Variants in CLCNKA observed in about 807,000 individuals in gnomAD.
CLCNKA encodes the protein chloride channel protein ClC-Ka.
Under a neutral mutation model 83.3 loss-of-function variants are expected in CLCNKA, and 66 were observed. The ratio of observed to expected loss-of-function variants is 0.79; its 90% confidence interval spans 0.65 to 0.97. The LOEUF is 0.97. CLCNKA is among the 50% of genes least tolerant of loss of function. The pLI, the probability that CLCNKA is intolerant of heterozygous loss-of-function variation, is 0.00. For missense variants in CLCNKA, 806 were observed against 888.7 expected (o/e 0.91, Z 1.18); for synonymous variants, 357 against 370.4 (o/e 0.96, Z 0.42).
chr1:16,025,156 C>T (rs1290286526), intron 4 of CLCNKA, among the ~76,000 whole-genome samples: 2 of 152,160 alleles, frequency 1.3e-5, no homozygotes, highest in Admixed American at 6.5e-5. Context: ...GAGGAGGTGC[C>T]GCTCCCTCAG....
At position 16,027,016 on chromosome 1, in the gene CLCNKA, C is replaced by T. The variant is rs10927888; in HGVS notation, c.655+241C>T. 16,044 of 649,994 alleles carry T rather than the reference C, an allele frequency of 0.025. 282 individuals are homozygous for T. The highest frequency in any genetic ancestry group is 0.034 in the Non-Finnish European group (12,984 of 379,032). The allele number at this position is 649,994 out of a possible 1,614,324, so 40.3% of individuals were successfully genotyped here. A position where few individuals can be genotyped will look rare whatever the true frequency, so the allele number is the denominator to read the frequency against. ...CATTACACAGACTTGGGTTTGAAAT[C>T]CACTGGCCCCTTGGCCTCTCTGAGC... On this transcript the variant is annotated intron_variant, in intron 7 of 19. Transcript: ENST00000331433.
chr1:16,025,860 T>C (rs2022324569), intron 4 of CLCNKA, among the ~76,000 whole-genome samples: 1 of 152,114 alleles, frequency 6.6e-6, no homozygotes, highest in Non-Finnish European at 1.5e-5. Flanking sequence ...GTTCAAGCAA[T>C]TCTCCTGCCT....
In CLCNKA at chr1:16,032,544, G is replaced by A. The variant is rs753054450; in HGVS notation, c.1929+18G>A. Reference sequence around the variant, plus strand: ...TGCACCAGGTAACAAGTATTGGGGAGTGTGACACACGCAGCCCCCGGGGCA... The same window carrying A: ...TGCACCAGGTAACAAGTATTGGGGAATGTGACACACGCAGCCCCCGGGGCA... On this transcript the variant is annotated intron_variant, in intron 18 of 19. Transcript: ENST00000331433. 1.3e-6 allele frequency: 2 copies of A among 1,598,324 alleles called. No homozygotes were observed. The highest frequency in any genetic ancestry group is 1.1e-5 in the South Asian group (1 of 90,766).
chr1:16,028,647 C>G (rs751730871), intron 10 of CLCNKA, 114 bp from the exon 11 acceptor site: 1 of 1,313,742 alleles, frequency 7.6e-7, no homozygotes. Context: ...GTCCTTGCCT[C>G]GGTATCAGCC....
chr1:16,032,652 C>G lies in CLCNKA; in HGVS notation c.1929+126C>G. 5.1e-6 allele frequency: 4 copies of G among 779,118 alleles called. No individual in the cohort carries two copies. In the South Asian group the frequency reaches 6.1e-5, roughly 12 times the overall value. The allele number at this position is 779,118 out of a possible 1,614,324, so 48.3% of individuals were successfully genotyped here. A position where few individuals can be genotyped will look rare whatever the true frequency, so the allele number is the denominator to read the frequency against. On this transcript the variant is annotated intron_variant, in intron 18 of 19. Coordinates refer to ENST00000331433, the MANE Select transcript of CLCNKA (RefSeq NM_004070.4). ...CATCTTATCCTGCTTCCTGCTCCTC[C>G]TGGGCCTGGACAGGGCAGCTCCTGC... is the stretch of plus-strand genomic sequence containing the variant.
chr1:16,029,158 C>T lies in CLCNKA; in HGVS notation c.1086C>T (p.Phe362=), dbSNP rs146831535. The T allele has an allele frequency of 9.2e-4, 1,482 of 1,612,294 alleles. 5 individuals are homozygous for T. The African/African-American group carries it at 0.014, about 15-fold the overall frequency. ...TGAAGCAGCATCTGGACTCGCTGTT[C>T]GACAACCACTCCTGGGCGCTGATGA... The part of the protein sequence containing the change: ...LSMKQHLDSL[F]DNHSWALMTQ... Residue 362 remains phenylalanine (F), a synonymous_variant, in exon 12 of 20, where the codon TTC becomes TTT. Transcript: ENST00000331433.
At position 16,029,744 on chromosome 1, in the gene CLCNKA, T is replaced by A; in HGVS notation, c.1241T>A (p.Ile414Asn). Residue 414 changes from isoleucine to asparagine, a missense_variant, in exon 13 of 20, where the codon ATT (isoleucine) becomes AAT (asparagine). Coordinates refer to ENST00000331433, the MANE Select transcript of CLCNKA (RefSeq NM_004070.4). ...FFLVMKFWMLILATTIPMPAG... is the reference protein window; with the variant it reads ...FFLVMKFWMLNLATTIPMPAG... The stretch of plus-strand genomic sequence containing the variant: ...CCCTTCCTGCAGTTCTGGATGCTGA[T>A]TCTGGCCACCACCATCCCCATGCCT... 1.2e-6 allele frequency: 2 copies of A among 1,614,128 alleles called. No individual in the cohort carries two copies. The highest frequency in any genetic ancestry group is 1.7e-6 in the Non-Finnish European group (2 of 1,180,002).
intron 18 of CLCNKA, 123 bp downstream of exon 18, chr1:16,032,649 C>T (rs955025225): frequency 2.5e-6 from 2 of 785,688 alleles, no homozygotes; most frequent in African/African-American, 3.3e-5. Flanking sequence ...CTTCCTGCTC[C>T]TCCTGGGCCT....
chr1:16,023,503 C>T (rs1446259300), intron 2 of CLCNKA, among the ~76,000 whole-genome samples: 1 of 152,222 alleles, frequency 6.6e-6, no homozygotes, highest in East Asian at 1.9e-4. Context: ...TCACCTGCCA[C>T]AAATCCTGCC....
chr1:16,026,277 A>AG, intron 5 of CLCNKA, 30 bp downstream of exon 5: 1 of 1,606,976 alleles, frequency 6.2e-7, no homozygotes, highest in Non-Finnish European at 8.5e-7. Flanking sequence ...CACCCCAGCC[A>AG]CCCCGCCCAC....
rs138997233 is a variant in CLCNKA at position 16,025,377 on chromosome 1, C to T, written c.358+486C>T. ...TGCATCCTAACCTCTGAGGGTTCTG[C>T]GTGATCATAATAGGACTAGGTGCAG... On this transcript the variant is annotated intron_variant, in intron 4 of 19. Coordinates refer to ENST00000331433, the MANE Select transcript of CLCNKA (RefSeq NM_004070.4). Among the ~76,000 whole-genome samples, 1,444 of 152,342 alleles carry T rather than the reference C, an allele frequency of 9.5e-3. 23 individuals are homozygous for T. The highest frequency in any genetic ancestry group is 0.012 in the Non-Finnish European group (845 of 68,032).
rs767705973 is a variant in CLCNKA, at chr1:16,033,197, C to T, written c.1957C>T (p.Leu653Phe). The change falls in exon 19 of 20, where the codon CTT becomes TTT. Residue 653 changes from leucine to phenylalanine, a missense_variant. Transcript: ENST00000331433. ...ACAAAACCTCTTTAAGCTGTTGAAC[C>T]TTCAGTCCCTCTTCGTGACATCGCG... ...QAQNLFKLLN[L>F]QSLFVTSRGR... 33 of 1,614,050 alleles carry T rather than the reference C, an allele frequency of 2.0e-5. No individual in the cohort carries two copies. Among genetic ancestry groups the T allele is most frequent in the Non-Finnish European group, 2.6e-5 (31 of 1,180,030 alleles).
At chr1:16,023,752 T>G (rs757378761) in intron 2 of CLCNKA, 48 bp from the exon 3 acceptor site, 18 of 1,610,642 alleles carry the variant, frequency 1.1e-5, no homozygotes, top group African/African-American at 1.1e-4. Context: ...AGGGGCTGTC[T>G]GTGCCCCTTG....
chr1:16,029,221 C>T lies in CLCNKA; in HGVS notation c.1149C>T (p.Asp383=). 1 of 1,613,778 alleles carries T rather than the reference C, an allele frequency of 6.2e-7. No individual in the cohort carries two copies. The highest frequency in any genetic ancestry group is 8.5e-7 in the Non-Finnish European group (1 of 1,179,908). Residue 383 remains aspartate, a synonymous_variant, in exon 12 of 20, where the codon GAC becomes GAT. Coordinates refer to ENST00000331433, the MANE Select transcript of CLCNKA (RefSeq NM_004070.4). ...NSSPPWPEEL[D]PQHLWWEWYH... is the part of the protein sequence containing the mutation. ...GCCCACCCTGGCCCGAGGAGCTCGA[C>T]CCCCAGCACCTTTGGTGGGAATGGT...
At chr1:16,030,737 G>A (rs1570310478) in intron 15 of CLCNKA, 63 bp downstream of exon 15, 2 of 1,605,274 alleles carry the variant, frequency 1.2e-6, no homozygotes, top group East Asian at 4.5e-5. Context: ...GGCTGGGGGT[G>A]GAGGGCACCT....
chr1:16,022,329 A>G (rs1004467501), intron 1 of CLCNKA, among the ~76,000 whole-genome samples: 1 of 152,128 alleles, frequency 6.6e-6, no homozygotes, highest in Non-Finnish European at 1.5e-5. Context: ...TAGTGGAAGC[A>G]CCAAGCGACC....
chr1:16,027,947 C>A (rs1243959772), intron 9 of CLCNKA, 42 bp downstream of exon 9: 2 of 1,081,966 alleles, frequency 1.8e-6, no homozygotes, highest in Non-Finnish European at 2.8e-6. Context: ...AAAAGGCATT[C>A]CCCCCAAGGC....
intron 11 of CLCNKA, 86 bp downstream of exon 11, chr1:16,028,931 C>T: frequency 6.5e-7 from 1 of 1,540,384 alleles, no homozygotes; most frequent in Non-Finnish European, 9.0e-7. Context: ...ACCCTCAGCA[C>T]CCCACCAGGG....
rs1353698016 is a variant in CLCNKA at position 16,027,387 on chromosome 1, T to A, written c.733T>A (p.Cys245Ser). 15 of 1,614,078 alleles carry A rather than the reference T, an allele frequency of 9.3e-6. No individual in the cohort carries two copies. The highest frequency in any genetic ancestry group is 1.3e-5 in the Non-Finnish European group (15 of 1,180,002). ...DYWRGFFAATCGAFIFRLLAV... is the reference protein window; with the variant it reads ...DYWRGFFAATSGAFIFRLLAV... ...CTGGAGGGGCTTCTTTGCGGCCACC[T>A]GCGGGGCCTTCATATTCCGGCTCCT... The change falls in exon 8 of 20, where the codon TGC becomes AGC. Residue 245 changes from cysteine to serine, a missense_variant. Physicochemically the swap from Cys to Ser is moderately radical, Grantham distance 112. Coordinates refer to ENST00000331433, the MANE Select transcript of CLCNKA (RefSeq NM_004070.4).
Sources: gnomAD v4.1 joint callset for allele counts (sites outside exome capture counted in the v4.1 genomes callset) on GRCh38, gnomAD v4.1.1 for gene constraint, MANE v1.5 for transcripts, NCBI Gene and HGNC (gene_info 2026-07-23, HGNC 2026-07-21) for gene names.